Variants in KIAA0825 observed in about 807,000 individuals in gnomAD.
KIAA0825 encodes KIAA0825, also known as uncharacterized protein KIAA0825.
In KIAA0825, 119 loss-of-function variants were observed where a neutral mutation model predicts 147.6. The observed-to-expected ratio is 0.81, with a 90% confidence interval of 0.69 to 0.94. The LOEUF (loss-of-function observed/expected upper bound fraction) is 0.94. Among genes scored for constraint, KIAA0825 ranks in the 40% least tolerant of loss-of-function variants. The pLI is 0.00. For synonymous variants in KIAA0825, 470 were observed against 518.1 expected (o/e 0.91, Z 1.26); for missense variants, 1,381 against 1,472.7 (o/e 0.94, Z 1.02).
intron 20 of KIAA0825, among the ~76,000 whole-genome samples, chr5:94,168,803 G>A (rs1244974791): frequency 1.3e-5 from 2 of 152,046 alleles, no homozygotes; most frequent in Non-Finnish European, 2.9e-5. Flanking sequence ...ATAATTTAAT[G>A]AATCAAAAGA....
chr5:94,563,928 C>T (rs1279437951), intron 2 of KIAA0825, among the ~76,000 whole-genome samples: 1 of 152,124 alleles, frequency 6.6e-6, no homozygotes. Flanking sequence ...TCAAGTGACC[C>T]ACCGCCTCAG....
intron 20 of KIAA0825, among the ~76,000 whole-genome samples, chr5:94,319,496 A>G (rs1562375285): frequency 6.6e-6 from 1 of 151,882 alleles, no homozygotes; most frequent in Non-Finnish European, 1.5e-5. Context: ...TAGTATCTCC[A>G]AAAGAGAATT....
At chr5:94,398,590 T>C (rs1026952946) in intron 16 of KIAA0825, among the ~76,000 whole-genome samples, 4 of 152,182 alleles carry the variant, frequency 2.6e-5, no homozygotes, top group Non-Finnish European at 1.5e-5. Flanking sequence ...TAATTGGCTA[T>C]GTTGTGTTAT....
chr5:94,270,048 GAAAT>G (rs1776913693), intron 20 of KIAA0825, among the ~76,000 whole-genome samples: 1 of 152,056 alleles, frequency 6.6e-6, no homozygotes, highest in Admixed American at 6.6e-5. Flanking sequence ...AAACTTAGAA[GAAAT>G]AAATAAATTC....
intron 20 of KIAA0825, among the ~76,000 whole-genome samples, chr5:94,260,433 G>A (rs1258179893): frequency 6.6e-6 from 1 of 152,166 alleles, no homozygotes; most frequent in Non-Finnish European, 1.5e-5. Context: ...ACAGGTTCCA[G>A]TAAGAACAGT....
intron 2 of KIAA0825, among the ~76,000 whole-genome samples, chr5:94,572,868 A>G (rs1780232566): frequency 6.6e-6 from 1 of 152,200 alleles, no homozygotes; most frequent in South Asian, 2.1e-4. Context: ...GAAGTAAAAA[A>G]TGAATAAGAA....
chr5:94,498,815 C>T (rs1764688300), intron 5 of KIAA0825, among the ~76,000 whole-genome samples: 1 of 152,308 alleles, frequency 6.6e-6, no homozygotes, highest in Admixed American at 6.5e-5. Context: ...CATTTTACTT[C>T]TGCTTATGCA....
Position 94,152,876 on chromosome 5 carries a change from ATATATATATATATATATATATATATAT to A in KIAA0825, c.*1104_*1130del, listed in dbSNP as rs1562284181. 2.1e-4 allele frequency: 13 copies of A among 60,692 alleles called. 2 individuals are homozygous for A. The highest frequency in any genetic ancestry group is 3.1e-4 in the Non-Finnish European group (10 of 32,020). The allele number at this position is 60,692 out of a possible 1,614,324, so 3.8% of individuals were successfully genotyped here. ...AAAAATTATATATATATATATATATATATATATATATATATATATATATATATGGTTTCTCCCAGACGTTCTTAGACT... is the reference window on the plus strand; with the variant it reads ...AAAAATTATATATATATATATATATAGGTTTCTCCCAGACGTTCTTAGACT... On this transcript the variant is annotated 3_prime_UTR_variant, in exon 21 of 21. Transcript: ENST00000682413.
chr5:94,565,453 T>C (rs561987400), intron 2 of KIAA0825, among the ~76,000 whole-genome samples: 1 of 151,614 alleles, frequency 6.6e-6, no homozygotes, highest in African/African-American at 2.4e-5. Context: ...GCAATTCTCC[T>C]GCCTCAGCCT....
intron 20 of KIAA0825, among the ~76,000 whole-genome samples, chr5:94,168,079 C>T (rs1768226745): frequency 6.7e-6 from 1 of 150,002 alleles, no homozygotes; most frequent in Non-Finnish European, 1.5e-5. Flanking sequence ...TAGATATAAA[C>T]ATACATAAAT....
chr5:94,167,711 TC>T (rs1159837379), intron 20 of KIAA0825, among the ~76,000 whole-genome samples: 1 of 152,130 alleles, frequency 6.6e-6, no homozygotes, highest in Admixed American at 6.5e-5. Context: ...ATTTATTTGT[TC>T]TACTTTATTT....
At chr5:94,187,286 C>T (rs1359486202) in intron 20 of KIAA0825, among the ~76,000 whole-genome samples, 1 of 148,866 alleles carries the variant, frequency 6.7e-6, no homozygotes, top group African/African-American at 2.5e-5. Flanking sequence ...CATTTTTTAG[C>T]CAGTTCAGAT....
At chr5:94,446,557 T>C (rs954743641) in intron 13 of KIAA0825, among the ~76,000 whole-genome samples, 3 of 152,150 alleles carry the variant, frequency 2.0e-5, no homozygotes, top group African/African-American at 7.2e-5. Flanking sequence ...GCAAAGATCC[T>C]GTGGCAGAAA....
intron 16 of KIAA0825, among the ~76,000 whole-genome samples, chr5:94,397,042 C>G (rs1392949379): frequency 6.6e-6 from 1 of 152,042 alleles, no homozygotes. Flanking sequence ...CATCACAGCC[C>G]CAAGACCCTC....
chr5:94,213,288 T>C (rs1047432826), intron 20 of KIAA0825, among the ~76,000 whole-genome samples: 2 of 152,158 alleles, frequency 1.3e-5, no homozygotes, highest in Admixed American at 1.3e-4. Context: ...CCAAGTCCTA[T>C]TGATATTATC....
At chr5:94,338,529 G>C (rs1363597762) in intron 20 of KIAA0825, among the ~76,000 whole-genome samples, 1 of 152,110 alleles carries the variant, frequency 6.6e-6, no homozygotes, top group Non-Finnish European at 1.5e-5. Flanking sequence ...CATTGGTCTT[G>C]TAAGATTATA....
At chr5:94,263,382 G>A (rs1776595244) in intron 20 of KIAA0825, among the ~76,000 whole-genome samples, 1 of 152,018 alleles carries the variant, frequency 6.6e-6, no homozygotes, top group South Asian at 2.1e-4. Flanking sequence ...AGAAACATTT[G>A]ACCTCTTACT....
chr5:94,196,725 T>G (rs961838542), intron 20 of KIAA0825, among the ~76,000 whole-genome samples: 2 of 152,220 alleles, frequency 1.3e-5, no homozygotes, highest in African/African-American at 4.8e-5. Flanking sequence ...CAGTATTTGG[T>G]TTTTTGTTCC....
chr5:94,521,029 CT>C, intron 4 of KIAA0825, 112 bp from the exon 5 acceptor site: 1 of 938,130 alleles, frequency 1.1e-6, no homozygotes, highest in Non-Finnish European at 1.5e-6. Context: ...TCTAAAATTC[CT>C]TAAGATTTTA....
Sources: allele counts gnomAD v4.1 joint callset (sites outside exome capture counted in the v4.1 genomes callset), GRCh38; gene constraint gnomAD v4.1.1; transcripts MANE v1.5; gene names NCBI Gene and HGNC (gene_info 2026-07-23, HGNC 2026-07-21).